ZDHHC18: variants seen among roughly 807,000 people sequenced by gnomAD.
ZDHHC18 encodes the protein zDHHC palmitoyltransferase 18, also known as palmitoyltransferase ZDHHC18.
In ZDHHC18, 23 loss-of-function variants were observed where a neutral mutation model predicts 37.5. That is an observed-to-expected ratio of 0.61 (90% confidence interval 0.44 to 0.87). ZDHHC18 has a LOEUF of 0.87. ZDHHC18 is among the 40% of genes least tolerant of loss of function. The probability of loss-of-function intolerance (pLI) is 0.00; values close to 1 mark genes in which losing one functional copy is unlikely to be tolerated. For missense variants in ZDHHC18, 406 were observed against 525.6 expected (o/e 0.77, Z 2.22); for synonymous variants, 185 against 218.7 (o/e 0.85, Z 1.36).
chr1:26,833,646 G>A (rs1451124327), intron 2 of ZDHHC18, among the ~76,000 whole-genome samples: 1 of 152,040 alleles, frequency 6.6e-6, no homozygotes, highest in East Asian at 1.9e-4. Context: ...GGGGTACTGG[G>A]CCAGGTCCCT....
intron 1 of ZDHHC18, among the ~76,000 whole-genome samples, chr1:26,829,509 G>A (rs1225480039): frequency 6.6e-6 from 1 of 151,980 alleles, no homozygotes; most frequent in Non-Finnish European, 1.5e-5. Flanking sequence ...GGCCTCCCCT[G>A]TCCATCCGCA....
chr1:26,856,162 C>T lies in ZDHHC18; in HGVS notation c.*2319C>T, dbSNP rs1022934647. 2.7e-5 allele frequency: 12 copies of T among 451,258 alleles called. No individual in the cohort carries two copies. The highest frequency in any genetic ancestry group is 4.9e-5 in the Non-Finnish European group (11 of 222,932). The allele number at this position is 451,258 out of a possible 1,614,324, so 28.0% of individuals were successfully genotyped here. A position where few individuals can be genotyped will look rare whatever the true frequency, so the allele number is the denominator to read the frequency against. ...AGCCAGACAACTCATAACACTGGCC[C>T]ACCTCTCTGGTATCTCCCTCAGGAG... is the stretch of plus-strand genomic sequence containing the variant. On this transcript the variant is annotated 3_prime_UTR_variant, in exon 8 of 8. Transcript: ENST00000374142. The surrounding 1 kb of genome is among the most constrained non-coding windows in gnomAD (Gnocchi z 5.2).
At chr1:26,848,317 A>G (rs1473384323) in intron 2 of ZDHHC18, among the ~76,000 whole-genome samples, 1 of 149,862 alleles carries the variant, frequency 6.7e-6, no homozygotes, top group Non-Finnish European at 1.5e-5. Context: ...TGCCTCAGGA[A>G]AAAAAAAAAA....
In ZDHHC18 at chr1:26,826,988, C is replaced by T. The variant is rs2081560380; in HGVS notation, c.184C>T (p.Leu62Phe). Reference sequence around the variant, plus strand: ...CGGCAGCGGCAGCGGGAGCGGGAGCCTCGGCCGCCGCCCACGGCGCAAGTG... The same window carrying T: ...CGGCAGCGGCAGCGGGAGCGGGAGCTTCGGCCGCCGCCCACGGCGCAAGTG... The part of the protein sequence containing the change: ...GSGSGSGSGS[L>F]GRRPRRKWEV... Residue 62 changes from leucine (L) to phenylalanine (F), a missense_variant, in exon 1 of 8, where the codon CTC (leucine) becomes TTC (phenylalanine). By Grantham distance (22) the Leu-to-Phe change is conservative. Transcript: ENST00000374142. This position sits in a 1 kb window ranked among gnomAD's most constrained non-coding sequence, Gnocchi z 5.2. 2 of 1,228,034 alleles carry T rather than the reference C, an allele frequency of 1.6e-6. No homozygotes were observed. The highest frequency in any genetic ancestry group is 3.2e-5 in the East Asian group (1 of 31,556). 76.1% of individuals were successfully genotyped at this position (1,228,034 alleles called of 1,614,324 possible).
intron 2 of ZDHHC18, among the ~76,000 whole-genome samples, chr1:26,841,455 G>A (rs2081638754): frequency 6.6e-6 from 1 of 152,108 alleles, no homozygotes; most frequent in Non-Finnish European, 1.5e-5. Flanking sequence ...TTATTTAGCA[G>A]ATGATGGCAC....
intron 2 of ZDHHC18, among the ~76,000 whole-genome samples, chr1:26,835,299 A>C (rs2081606549): frequency 6.6e-6 from 1 of 152,262 alleles, no homozygotes; most frequent in African/African-American, 2.4e-5. Flanking sequence ...TTTCTTGGCG[A>C]ACAGGTGCAA....
At position 26,855,852 on chromosome 1, in the gene ZDHHC18, T is replaced by A. The variant is rs745846993; in HGVS notation, c.*2009T>A. 5.5e-6 allele frequency: 1 copy of A among 182,116 alleles called. No homozygotes were observed. The highest frequency in any genetic ancestry group is 2.3e-5 in the African/African-American group (1 of 42,980). The allele number at this position is 182,116 out of a possible 1,614,324, so 11.3% of individuals were successfully genotyped here. On this transcript the variant is annotated 3_prime_UTR_variant, in exon 8 of 8. Coordinates refer to ENST00000374142, the MANE Select transcript of ZDHHC18 (RefSeq NM_032283.3). ...AAGGCAGGCAGCCCAGTGATCTGGC[T>A]ACATTTTCCCTCACCTGGCTGGAGC...
At chr1:26,831,256 G>T (rs980575475) in intron 1 of ZDHHC18, among the ~76,000 whole-genome samples, 1 of 152,176 alleles carries the variant, frequency 6.6e-6, no homozygotes, top group Non-Finnish European at 1.5e-5. Context: ...AAGTGCAAAG[G>T]CCCTGAGGTA....
At chr1:26,852,962 A>T in intron 7 of ZDHHC18, 97 bp downstream of exon 7, 1 of 1,066,826 alleles carries the variant, frequency 9.4e-7, no homozygotes, top group South Asian at 1.5e-5. Flanking sequence ...TACACCCTAG[A>T]TGCCCTCCGT....
Position 26,846,310 on chromosome 1 carries a change from A to AT in ZDHHC18, c.497-2264dup, listed in dbSNP as rs56921528. ...TGTGTGTATATATATATATATATAT[A>AT]TTTTTTTTTTTTTTTTTTTTTTTTT... On this transcript the variant is annotated intron_variant, in intron 2 of 7. Transcript: ENST00000374142. 6.6e-4 allele frequency among the ~76,000 whole-genome samples: 29 copies of AT among 43,626 alleles called. 6 individuals are homozygous for AT. The highest frequency in any genetic ancestry group is 1.2e-3 in the South Asian group (1 of 862). 28.6% of individuals were successfully genotyped at this position (43,626 alleles called of 152,430 possible). A position where few individuals can be genotyped will look rare whatever the true frequency, so the allele number is the denominator to read the frequency against.
intron 1 of ZDHHC18, among the ~76,000 whole-genome samples, chr1:26,830,554 G>C (rs2081584280): frequency 6.6e-6 from 1 of 152,114 alleles, no homozygotes; most frequent in Non-Finnish European, 1.5e-5. Flanking sequence ...GTAACTATCT[G>C]TACTTTGGAT....
At chr1:26,840,038 G>A (rs959044688) in intron 2 of ZDHHC18, among the ~76,000 whole-genome samples, 5 of 152,348 alleles carry the variant, frequency 3.3e-5, no homozygotes, top group African/African-American at 1.2e-4. Flanking sequence ...TCAGGAAGCC[G>A]GGGTACAGAG....
rs2081737832 is a variant in ZDHHC18 at position 26,856,983 on chromosome 1, TC to T, written c.*3141del. The T allele has an allele frequency of 6.5e-6, 1 of 152,718 alleles. No individual in the cohort carries two copies. The highest frequency in any genetic ancestry group is 2.4e-5 in the African/African-American group (1 of 41,456). 9.5% of individuals were successfully genotyped at this position (152,718 alleles called of 1,614,324 possible). On this transcript the variant is annotated 3_prime_UTR_variant, in exon 8 of 8. Transcript: ENST00000374142. The surrounding 1 kb of genome is among the most constrained non-coding windows in gnomAD (Gnocchi z 5.2). ...TCTGCCACCATCTGTGCCTACAGGG[TC>T]TGCCCCCCAGCCTGCCCGGCCTGTG... is the stretch of plus-strand genomic sequence containing the variant.
rs996576139 is a variant in ZDHHC18, at chr1:26,854,050, A to G, written c.*207A>G. ...CCAGGTTCCCACAGCCTTGGGCCCT[A>G]GGTACCCCAGCTGATCAGTGCCAGG... On this transcript the variant is annotated 3_prime_UTR_variant, in exon 8 of 8. Transcript: ENST00000374142. The surrounding 1 kb of genome is among the most constrained non-coding windows in gnomAD (Gnocchi z 4.6). 4 of 583,506 alleles carry G rather than the reference A, an allele frequency of 6.9e-6. No individual in the cohort carries two copies. Among genetic ancestry groups the G allele is most frequent in the Non-Finnish European group, 1.2e-5 (4 of 327,228 alleles). The allele number at this position is 583,506 out of a possible 1,614,324, so 36.1% of individuals were successfully genotyped here.
chr1:26,828,935 C>G (rs576593263), intron 1 of ZDHHC18, among the ~76,000 whole-genome samples: 1 of 152,176 alleles, frequency 6.6e-6, no homozygotes, highest in Non-Finnish European at 1.5e-5. Flanking sequence ...CCCACATGAC[C>G]CTGCAGTGTG....
At chr1:26,833,456 C>T (rs1044096144) in intron 2 of ZDHHC18, among the ~76,000 whole-genome samples, 3 of 151,916 alleles carry the variant, frequency 2.0e-5, no homozygotes, top group African/African-American at 4.8e-5. Context: ...TAGGAGGAGG[C>T]GGCACTGGAG....
chr1:26,830,365 T>G (rs535232713), intron 1 of ZDHHC18, among the ~76,000 whole-genome samples: 44 of 152,300 alleles, frequency 2.9e-4, no homozygotes, highest in African/African-American at 1.0e-3. Context: ...GAGCTCTAGT[T>G]TCTTCATCTG....
chr1:26,848,562 T>A, intron 2 of ZDHHC18, 46 bp from the exon 3 acceptor site: 2 of 1,587,560 alleles, frequency 1.3e-6, no homozygotes. Context: ...ATCCGGGCCC[T>A]GGGCTGCCTT....
intron 6 of ZDHHC18, 115 bp downstream of exon 6, chr1:26,851,346 G>T: frequency 1.0e-6 from 1 of 997,400 alleles, no homozygotes. Flanking sequence ...CTGGGATAAT[G>T]CCTTTTAAGC....
Sources: allele counts gnomAD v4.1 joint callset (sites outside exome capture counted in the v4.1 genomes callset), GRCh38; gene constraint gnomAD v4.1.1; non-coding constraint Gnocchi (gnomAD v3.1); transcripts MANE v1.5; gene names NCBI Gene and HGNC (gene_info 2026-07-23, HGNC 2026-07-21).